NCBP3: variants seen among roughly 807,000 people sequenced by gnomAD.
NCBP3 encodes the protein nuclear cap-binding protein subunit 3.
Under a neutral mutation model 75.7 loss-of-function variants are expected in NCBP3, and 20 were observed. The ratio of observed to expected loss-of-function variants is 0.26; its 90% CI spans 0.19 to 0.38. NCBP3 has a LOEUF of 0.38. NCBP3 is among the 10% of genes least tolerant of loss of function. The pLI, the probability that NCBP3 is intolerant of heterozygous loss-of-function variation, is 1.00. For synonymous variants in NCBP3, 293 were observed against 290.5 expected, an observed-to-expected ratio of 1.01 and a Z score of -0.09; for missense variants, 678 against 796.9, an observed-to-expected ratio of 0.85 and a Z score of 1.80.
chr17:3,840,094 C>A lies in NCBP3; in HGVS notation c.355+6G>T. 1 of 1,549,708 alleles carries A rather than the reference C, an allele frequency of 6.5e-7. No homozygotes were observed. The highest frequency in any genetic ancestry group is 1.4e-5 in the African/African-American group (1 of 73,118). On this transcript the variant is annotated splice_donor_region_variant and intron_variant, in intron 3 of 12. Coordinates refer to ENST00000389005, the MANE Select transcript of NCBP3 (RefSeq NM_001114118.3). ...GTGGACAAATTTCCCACAAAACACC[C>A]TGTACCTTTCTTCATCATGTCTCGG...
At chr17:3,827,467 C>T (rs2053809040) in intron 4 of NCBP3, among the ~76,000 whole-genome samples, 1 of 152,226 alleles carries the variant, frequency 6.6e-6, no homozygotes, top group Admixed American at 6.5e-5. Flanking sequence ...GGAGGCATGA[C>T]AGCCAGTTGG....
intron 3 of NCBP3, among the ~76,000 whole-genome samples, chr17:3,838,191 G>A (rs1383256075): frequency 2.0e-5 from 3 of 152,170 alleles, no homozygotes; most frequent in Admixed American, 2.0e-4. Context: ...AAGTGGGTGA[G>A]CAGAGATGCT....
At chr17:3,836,138 TAACA>T (rs1347554790) in intron 3 of NCBP3, among the ~76,000 whole-genome samples, 1 of 152,220 alleles carries the variant, frequency 6.6e-6, no homozygotes, top group Non-Finnish European at 1.5e-5. Flanking sequence ...TTGGTATTAA[TAACA>T]AATAACTTGA....
In NCBP3 at chr17:3,813,252, G is replaced by T; in HGVS notation, c.1655C>A (p.Ala552Glu). The change falls in exon 13 of 13, where the codon GCA becomes GAA. Residue 552 changes from alanine to glutamate, a missense_variant. By Grantham distance (107) the Ala-to-Glu change is moderately radical (BLOSUM62 -1). Around this residue, in one of 7 missense-constraint regions of NCBP3, gnomAD observed 365 missense variants for 392.7 expected, o/e 0.93. Transcript: ENST00000389005. ...CGTATTCTTTTCTTTGGTCTTGGGT[G>T]CAGATCCTAGGCGAGTCCATAAATT... is the stretch of plus-strand genomic sequence containing the variant. ...SGNLWTRLGS[A>E]PKTKEKNTKK... 6.2e-7 allele frequency: 1 copy of T among 1,614,210 alleles called. No homozygotes were observed. Among genetic ancestry groups the T allele is most frequent in the Non-Finnish European group, 8.5e-7 (1 of 1,180,032 alleles).
intron 3 of NCBP3, among the ~76,000 whole-genome samples, chr17:3,829,614 T>C (rs1003961703): frequency 6.6e-6 from 1 of 152,182 alleles, no homozygotes; most frequent in Admixed American, 6.5e-5. Flanking sequence ...CAAAGGGTGT[T>C]GATAAAATAC....
intron 1 of NCBP3, among the ~76,000 whole-genome samples, chr17:3,844,138 C>A (rs1197185502): frequency 1.3e-5 from 2 of 152,202 alleles, no homozygotes; most frequent in African/African-American, 4.8e-5. Flanking sequence ...CCCTCCACCT[C>A]AACGCAGAAG....
rs1474624385 is a variant in NCBP3 at position 3,806,955 on chromosome 17, T to C, written c.*6089A>G. 2.6e-5 allele frequency: 4 copies of C among 152,240 alleles called. No individual in the cohort carries two copies. Among genetic ancestry groups the C allele is most frequent in the Admixed American group, 6.5e-5 (1 of 15,288 alleles). The allele number at this position is 152,240 out of a possible 1,614,324, so 9.4% of individuals were successfully genotyped here. A position where few individuals can be genotyped will look rare whatever the true frequency, so the allele number is the denominator to read the frequency against. On this transcript the variant is annotated 3_prime_UTR_variant, in exon 13 of 13. Coordinates refer to ENST00000389005, the MANE Select transcript of NCBP3 (RefSeq NM_001114118.3). ...GGTTTAAAAGCAATTACTGTACTTA[T>C]GTATCGAACTTATTTGTGTAGCAAC...
chr17:3,829,957 A>G (rs1220019994), intron 3 of NCBP3, among the ~76,000 whole-genome samples: 1 of 152,238 alleles, frequency 6.6e-6, no homozygotes, highest in African/African-American at 2.4e-5. Flanking sequence ...AATCATTAAC[A>G]TGCACATGAA....
chr17:3,806,703 T>G lies in NCBP3; in HGVS notation c.*6341A>C, dbSNP rs2053340015. ...CCAGGAACAAAGTTCTGTGAAATGT[T>G]CATAGAGCTTCATTGAAAAAAAAAA... On this transcript the variant is annotated 3_prime_UTR_variant, in exon 13 of 13. Coordinates refer to ENST00000389005, the MANE Select transcript of NCBP3 (RefSeq NM_001114118.3). The G allele has an allele frequency of 6.8e-6, 1 of 147,152 alleles. No homozygotes were observed. Among genetic ancestry groups the G allele is most frequent in the South Asian group, 2.2e-4 (1 of 4,626 alleles). 9.1% of individuals were successfully genotyped at this position (147,152 alleles called of 1,614,324 possible). A position where few individuals can be genotyped will look rare whatever the true frequency, so the allele number is the denominator to read the frequency against.
In NCBP3 at chr17:3,811,654, G is replaced by C. The variant is rs1321136451; in HGVS notation, c.*1390C>G. On this transcript the variant is annotated 3_prime_UTR_variant, in exon 13 of 13. Coordinates refer to ENST00000389005, the MANE Select transcript of NCBP3 (RefSeq NM_001114118.3). Reference sequence around the variant, plus strand: ...GCTCCGCCACAAGTAAAGATCGACAGGATCCAGGCTGCACTGTGTGCACAA... The same window carrying C: ...GCTCCGCCACAAGTAAAGATCGACACGATCCAGGCTGCACTGTGTGCACAA... The C allele has an allele frequency of 2.0e-5, 3 of 152,228 alleles. No individual in the cohort carries two copies. The highest frequency in any genetic ancestry group is 4.4e-5 in the Non-Finnish European group (3 of 68,048). 9.4% of individuals were successfully genotyped at this position (152,228 alleles called of 1,614,324 possible).
intron 3 of NCBP3, among the ~76,000 whole-genome samples, chr17:3,836,959 G>A (rs1298919233): frequency 6.6e-6 from 1 of 151,414 alleles, no homozygotes; most frequent in Non-Finnish European, 1.5e-5. Flanking sequence ...GACCACCCTG[G>A]TCAACATGGT....
In NCBP3 at chr17:3,826,183, T is replaced by G; in HGVS notation, c.514A>C (p.Thr172Pro). ...GAGCTCATATTGATAAGTGCTCGTGTGGCTGTCATTTCATCCAGCCAAACT... is the reference window on the plus strand; with the variant it reads ...GAGCTCATATTGATAAGTGCTCGTGGGGCTGTCATTTCATCCAGCCAAACT... ...NVVWLDEMTA[T>P]RALINMSSLP... The change falls in exon 5 of 13, where the codon ACA becomes CCA. Residue 172 changes from threonine to proline, a missense_variant. Coordinates refer to ENST00000389005, the MANE Select transcript of NCBP3 (RefSeq NM_001114118.3). 1 of 1,550,398 alleles carries G rather than the reference T, an allele frequency of 6.4e-7. No individual in the cohort carries two copies. Among genetic ancestry groups the G allele is most frequent in the East Asian group, 2.4e-5 (1 of 40,900 alleles).
intron 4 of NCBP3, among the ~76,000 whole-genome samples, chr17:3,828,308 G>A (rs1294362498): frequency 6.6e-6 from 1 of 152,238 alleles, no homozygotes; most frequent in Non-Finnish European, 1.5e-5. Flanking sequence ...TGCTACCACA[G>A]CAGAGCTGAG....
intron 6 of NCBP3, among the ~76,000 whole-genome samples, chr17:3,825,404 T>C (rs2053766080): frequency 6.6e-6 from 1 of 152,214 alleles, no homozygotes; most frequent in Admixed American, 6.6e-5. Flanking sequence ...ATATGGTATA[T>C]AATAGGTACT....
In NCBP3 at chr17:3,814,379, C is replaced by G. The variant is rs747176507; in HGVS notation, c.1570G>C (p.Gly524Arg). 6.2e-7 allele frequency: 1 copy of G among 1,614,206 alleles called. No individual in the cohort carries two copies. The highest frequency in any genetic ancestry group is 8.5e-7 in the Non-Finnish European group (1 of 1,180,004). The change falls in exon 12 of 13, where the codon GGT (glycine) becomes CGT (arginine). Residue 524 changes from glycine (G) to arginine (R), a missense_variant. Around this residue, in one of 7 missense-constraint regions of NCBP3, gnomAD observed 365 missense variants for 392.7 expected, o/e 0.93. Transcript: ENST00000389005. ...EPSSDVHSRL[G>R]VPRQDSKGLY... ...CCTTTACTATCCTGCCTGGGAACACCTAGCCTACTATGCACATCAGAAGAG... is the reference window on the plus strand; with the variant it reads ...CCTTTACTATCCTGCCTGGGAACACGTAGCCTACTATGCACATCAGAAGAG...
intron 3 of NCBP3, among the ~76,000 whole-genome samples, chr17:3,838,597 A>G (rs1597413984): frequency 2.0e-5 from 3 of 152,226 alleles, no homozygotes; most frequent in East Asian, 1.9e-4. Flanking sequence ...GGAGGGACGC[A>G]ATATCAGTCG....
In NCBP3 at chr17:3,810,437, T is replaced by A. The variant is rs1459807903; in HGVS notation, c.*2607A>T. Reference sequence around the variant, plus strand: ...CAATTATCATCAAGCAGCAAACATGTATGTAAAATCTCCTACACATAAGAC... The same window carrying A: ...CAATTATCATCAAGCAGCAAACATGAATGTAAAATCTCCTACACATAAGAC... On this transcript the variant is annotated 3_prime_UTR_variant, in exon 13 of 13. Coordinates refer to ENST00000389005, the MANE Select transcript of NCBP3 (RefSeq NM_001114118.3). 6.6e-6 allele frequency: 1 copy of A among 152,254 alleles called. No homozygotes were observed. The highest frequency in any genetic ancestry group is 2.4e-5 in the African/African-American group (1 of 41,532). The allele number at this position is 152,254 out of a possible 1,614,324, so 9.4% of individuals were successfully genotyped here. A position where few individuals can be genotyped will look rare whatever the true frequency, so the allele number is the denominator to read the frequency against.
intron 3 of NCBP3, among the ~76,000 whole-genome samples, chr17:3,829,581 C>T (rs926661748): frequency 3.3e-5 from 5 of 152,168 alleles, no homozygotes; most frequent in Non-Finnish European, 7.3e-5. Context: ...CAGAACAGGC[C>T]TATCAGGCTC....
At position 3,804,245 on chromosome 17, in the gene NCBP3, A is replaced by C. The variant is rs976507202; in HGVS notation, c.*8799T>G. ...GGATGGAGGAGACGTGCTCGGCGTG[A>C]GGTGAAAGGGCTGCCTGTGGGTCGG... On this transcript the variant is annotated 3_prime_UTR_variant, in exon 13 of 13. Coordinates refer to ENST00000389005, the MANE Select transcript of NCBP3 (RefSeq NM_001114118.3). The C allele has an allele frequency of 3.3e-5, 5 of 151,730 alleles. No homozygotes were observed. The highest frequency in any genetic ancestry group is 7.4e-5 in the Non-Finnish European group (5 of 67,962). The allele number at this position is 151,730 out of a possible 1,614,324, so 9.4% of individuals were successfully genotyped here. A position where few individuals can be genotyped will look rare whatever the true frequency, so the allele number is the denominator to read the frequency against.
Sources: gnomAD v4.1 joint callset for allele counts (sites outside exome capture counted in the v4.1 genomes callset) on GRCh38, gnomAD v4.1.1 for gene constraint, gnomAD v4.1.1 regional missense constraint, MANE v1.5 for transcripts, NCBI Gene and HGNC (gene_info 2026-07-23, HGNC 2026-07-21) for gene names.